DLC1: variants seen among roughly 807,000 people sequenced by gnomAD.
DLC1 encodes the protein rho GTPase-activating protein 7.
In DLC1, 54 loss-of-function variants were observed where a neutral mutation model predicts 140.3. That is an observed-to-expected ratio of 0.38 (90% CI 0.31 to 0.48). The LOEUF is 0.48. Ranked by LOEUF, DLC1 falls within the 20% of genes least tolerant of loss-of-function variation. The pLI, the probability that DLC1 is intolerant of heterozygous loss-of-function variation, is 0.96. For synonymous variants in DLC1, 986 were observed against 728.1 expected (o/e 1.35, Z -5.70); for missense variants, 2,536 against 1,907.0 (o/e 1.33, Z -6.14).
At chr8:13,295,055 G>A (rs75070871) in intron 5 of DLC1, among the ~76,000 whole-genome samples, 8,148 of 152,254 alleles carry the variant, frequency 0.054, 271 homozygotes, top group South Asian at 0.13. Context: ...CGGGGAAGAT[G>A]TCTGCCTTTT....
intron 3 of DLC1, among the ~76,000 whole-genome samples, chr8:13,395,774 T>TGTAGAA (rs980142577): frequency 3.8e-5 from 5 of 130,398 alleles, no homozygotes; most frequent in African/African-American, 5.3e-5. Context: ...TGTGCGTGTG[T>TGTAGAA]GTAGAAGACA....
chr8:13,361,173 A>G (rs1206101289), intron 4 of DLC1, among the ~76,000 whole-genome samples: 2 of 152,116 alleles, frequency 1.3e-5, no homozygotes, highest in African/African-American at 4.8e-5. Flanking sequence ...TTGAGGCTGC[A>G]GTGAGCCTTA....
At chr8:13,588,458 G>A (rs1294620372) in intron 1 of DLC1, among the ~76,000 whole-genome samples, 2 of 152,084 alleles carry the variant, frequency 1.3e-5, no homozygotes, top group South Asian at 2.1e-4. Context: ...TAAAAACTTA[G>A]GAGGCAGCAG....
chr8:13,321,929 TA>T lies in DLC1; in HGVS notation c.1315-16628del, dbSNP rs532418748. 1.3e-3 allele frequency among the ~76,000 whole-genome samples: 205 copies of T among 152,316 alleles called. 2 individuals carry two copies. The highest frequency in any genetic ancestry group is 2.3e-3 in the South Asian group (11 of 4,832). ...GTTGTCTATTTTTAATTCCTGCAAA[TA>T]TTTTTTTTAGTATCTGGGTAAAAAT... On this transcript the variant is annotated intron_variant, in intron 4 of 17. Coordinates refer to ENST00000276297, the MANE Select transcript of DLC1 (RefSeq NM_182643.3).
In DLC1 at chr8:13,133,215, G is replaced by A. The variant is rs1822270451; in HGVS notation, c.1349-17558C>T. ...TTGGGCGAGAAGTCCGTGAGCCGGC[G>A]CTCCTGATGCGGAGAGGTGCGGCCA... is the stretch of plus-strand genomic sequence containing the variant. On this transcript the variant is annotated intron_variant, in intron 5 of 17. Coordinates refer to ENST00000276297, the MANE Select transcript of DLC1 (RefSeq NM_182643.3). 7 of 1,419,614 alleles carry A rather than the reference G, an allele frequency of 4.9e-6. No homozygotes were observed. The East Asian group carries it at 1.6e-4, about 32-fold the overall frequency. The allele number at this position is 1,419,614 out of a possible 1,614,324, so 87.9% of individuals were successfully genotyped here. A position where few individuals can be genotyped will look rare whatever the true frequency, so the allele number is the denominator to read the frequency against.
chr8:13,324,583 A>AAAC (rs1392623527), intron 4 of DLC1, among the ~76,000 whole-genome samples: 1 of 151,886 alleles, frequency 6.6e-6, no homozygotes, highest in African/African-American at 2.4e-5. Flanking sequence ...AAAAAAAAAA[A>AAAC]AAAAAAGATT....
At chr8:13,368,460 T>A (rs375359187) in intron 4 of DLC1, among the ~76,000 whole-genome samples, 2 of 151,688 alleles carry the variant, frequency 1.3e-5, no homozygotes, top group Non-Finnish European at 2.9e-5. Flanking sequence ...AAGGAAATCA[T>A]GAAGGACTTG....
At position 13,497,849 on chromosome 8, in the gene DLC1, C is replaced by T. The variant is rs145344058; in HGVS notation, c.1023+1200G>A. ...TAAGGAAGTGAGAGTCTGCCAGAAG[C>T]ACAAAATGCTCTGTTAGCATATAGC... is the stretch of plus-strand genomic sequence containing the variant. On this transcript the variant is annotated intron_variant, in intron 2 of 17. Transcript: ENST00000276297. 2.6e-5 allele frequency among the ~76,000 whole-genome samples: 4 copies of T among 152,262 alleles called. No individual in the cohort carries two copies. In the East Asian group the frequency reaches 7.7e-4, roughly 29 times the overall value.
chr8:13,586,412 T>G (rs1477377764), intron 1 of DLC1, among the ~76,000 whole-genome samples: 1 of 152,126 alleles, frequency 6.6e-6, no homozygotes, highest in African/African-American at 2.4e-5. Flanking sequence ...CAAAGATGGC[T>G]CATACGTTCT....
chr8:13,478,904 A>C (rs1317154360), intron 2 of DLC1, among the ~76,000 whole-genome samples: 1 of 152,208 alleles, frequency 6.6e-6, no homozygotes, highest in Non-Finnish European at 1.5e-5. Flanking sequence ...AACTTGCCTA[A>C]ACAAGCTGGC....
At chr8:13,244,297 ATTTTT>A (rs60357765) in intron 5 of DLC1, among the ~76,000 whole-genome samples, 1 of 135,976 alleles carries the variant, frequency 7.4e-6, no homozygotes, top group Non-Finnish European at 1.6e-5. Flanking sequence ...TCCCTTTCCA[ATTTTT>A]TTTTTTTTTT....
chr8:13,459,536 GTC>G (rs1289590568), intron 2 of DLC1, among the ~76,000 whole-genome samples: 1 of 152,074 alleles, frequency 6.6e-6, no homozygotes, highest in African/African-American at 2.4e-5. Context: ...AATAAGTATT[GTC>G]TCTCTGTTCA....
chr8:13,390,726 G>T (rs993740385), intron 4 of DLC1, among the ~76,000 whole-genome samples: 1 of 152,122 alleles, frequency 6.6e-6, no homozygotes, highest in African/African-American at 2.4e-5. Context: ...GGTGGCTCAC[G>T]CCTGTAATCC....
chr8:13,269,135 AGT>A (rs1166433727), intron 5 of DLC1, among the ~76,000 whole-genome samples: 2 of 152,040 alleles, frequency 1.3e-5, no homozygotes, highest in Non-Finnish European at 2.9e-5. Flanking sequence ...AGCCTTCCAA[AGT>A]GCTGGGATTA....
At chr8:13,231,054 A>G (rs1408618801) in intron 5 of DLC1, among the ~76,000 whole-genome samples, 2 of 152,118 alleles carry the variant, frequency 1.3e-5, no homozygotes, top group African/African-American at 4.8e-5. Context: ...GAAGAGAGGA[A>G]AGGGATCTTT....
chr8:13,508,046 A>G (rs557742787), intron 1 of DLC1, among the ~76,000 whole-genome samples: 1 of 152,294 alleles, frequency 6.6e-6, no homozygotes, highest in East Asian at 1.9e-4. Context: ...CTTTCAATCC[A>G]CTAGAAGTCA....
At chr8:13,446,995 G>A (rs1798806311) in intron 2 of DLC1, among the ~76,000 whole-genome samples, 1 of 151,794 alleles carries the variant, frequency 6.6e-6, no homozygotes, top group Non-Finnish European at 1.5e-5. Context: ...AAGGGAAGAA[G>A]GGTGGAAGTA....
intron 4 of DLC1, among the ~76,000 whole-genome samples, chr8:13,327,863 T>C (rs1833436156): frequency 6.6e-6 from 1 of 152,200 alleles, no homozygotes; most frequent in Admixed American, 6.5e-5. Flanking sequence ...AAAGAAAAGT[T>C]CAGAGAGGGT....
intron 5 of DLC1, among the ~76,000 whole-genome samples, chr8:13,128,834 CA>C (rs531659822): frequency 6.8e-4 from 88 of 128,670 alleles, no homozygotes; most frequent in Middle Eastern, 4.4e-3. Flanking sequence ...GACTCCGTCT[CA>C]AAAAAAAAAA....
Sources: gnomAD v4.1 joint callset for allele counts (sites outside exome capture counted in the v4.1 genomes callset) on GRCh38, gnomAD v4.1.1 for gene constraint, MANE v1.5 for transcripts, NCBI Gene and HGNC (gene_info 2026-07-23, HGNC 2026-07-21) for gene names.